Variants in NECAB1 observed in about 807,000 individuals in gnomAD.
The protein encoded by NECAB1 is N-terminal EF-hand calcium binding protein 1.
Under a neutral mutation model 57.5 loss-of-function variants are expected in NECAB1, and 29 were observed. The ratio of observed to expected loss-of-function variants is 0.50; its 90% CI spans 0.38 to 0.69. The LOEUF is 0.69. Ranked by LOEUF, NECAB1 falls within the 30% of genes least tolerant of loss-of-function variation. NECAB1 has a pLI of 0.00. For missense variants in NECAB1, 372 were observed against 413.8 expected, an observed-to-expected ratio of 0.90 and a Z score of 0.88; for synonymous variants, 142 against 147.7, an observed-to-expected ratio of 0.96 and a Z score of 0.28.
chr8:90,902,436 C>T (rs1471283262), intron 5 of NECAB1, among the ~76,000 whole-genome samples: 1 of 152,034 alleles, frequency 6.6e-6, no homozygotes, highest in Non-Finnish European at 1.5e-5. Context: ...AACGAACAAA[C>T]AATTATTACT....
In NECAB1 at chr8:90,870,642, G is replaced by A. The variant is rs565037163; in HGVS notation, c.234-1486G>A. On this transcript the variant is annotated intron_variant, in intron 3 of 12. Coordinates refer to ENST00000417640, the MANE Select transcript of NECAB1 (RefSeq NM_022351.5). ...ATTTTATCTTCTATGATATATTTCC[G>A]GACACCTTTTGCCAATTCTCTATTT... is the stretch of plus-strand genomic sequence containing the variant. Among the ~76,000 whole-genome samples the A allele has an allele frequency of 1.6e-4, 24 of 152,116 alleles. No homozygotes were observed. The South Asian group carries it at 1.9e-3, about 12-fold the overall frequency.
intron 4 of NECAB1, among the ~76,000 whole-genome samples, chr8:90,875,443 T>G (rs1162208894): frequency 2.5e-5 from 3 of 121,344 alleles, no homozygotes; most frequent in Non-Finnish European, 4.7e-5. Context: ...ATTGCGCCAC[T>G]GCAGTCCGCA....
intron 9 of NECAB1, among the ~76,000 whole-genome samples, chr8:90,938,418 T>C (rs189792756): frequency 4.6e-5 from 7 of 152,342 alleles, no homozygotes; most frequent in Non-Finnish European, 7.3e-5. Context: ...AGCTTCAGGC[T>C]GTGTATTTGA....
intron 2 of NECAB1, among the ~76,000 whole-genome samples, chr8:90,817,252 G>A (rs77154746): frequency 2.6e-5 from 4 of 151,630 alleles, no homozygotes; most frequent in South Asian, 2.1e-4. Flanking sequence ...TTATGTCATC[G>A]TGAAGAAATA....
chr8:90,897,616 C>G (rs528487027), intron 5 of NECAB1, among the ~76,000 whole-genome samples: 135 of 152,256 alleles, frequency 8.9e-4, no homozygotes, highest in African/African-American at 2.8e-3. Flanking sequence ...GTAATACTAT[C>G]TTATGTTTAA....
intron 3 of NECAB1, among the ~76,000 whole-genome samples, chr8:90,844,746 T>C (rs1263340665): frequency 1.3e-5 from 2 of 151,944 alleles, no homozygotes; most frequent in Admixed American, 6.6e-5. Flanking sequence ...CTTTATCCAG[T>C]TGGGAGATGA....
chr8:90,887,350 T>G (rs1809030764), intron 5 of NECAB1, among the ~76,000 whole-genome samples: 1 of 152,226 alleles, frequency 6.6e-6, no homozygotes, highest in Non-Finnish European at 1.5e-5. Context: ...AAACTATGAC[T>G]TACACTTTAG....
At position 90,917,840 on chromosome 8, in the gene NECAB1, CTATATA is replaced by C. The variant is rs34288387; in HGVS notation, c.494+238_494+243del. On this transcript the variant is annotated intron_variant, in intron 6 of 12. Coordinates refer to ENST00000417640, the MANE Select transcript of NECAB1 (RefSeq NM_022351.5). ...CTTTTACTGTCAGTCATTTAGTAAA[CTATATA>C]TATATATATATATATATATATATAT... Among the ~76,000 whole-genome samples the C allele has an allele frequency of 9.1e-4, 43 of 47,330 alleles. 3 individuals are homozygous for C. Among genetic ancestry groups the C allele is most frequent in the South Asian group, 1.4e-3 (2 of 1,380 alleles). The allele number at this position is 47,330 out of a possible 152,430, so 31.1% of individuals were successfully genotyped here.
chr8:90,925,272 AAC>A (rs138720084), intron 6 of NECAB1, among the ~76,000 whole-genome samples: 15,928 of 152,196 alleles, frequency 0.1, 956 homozygotes, highest in African/African-American at 0.17. Context: ...AAAGTTGACC[AAC>A]AAAGGAAAAA....
chr8:90,915,670 A>C (rs959322730), intron 5 of NECAB1, among the ~76,000 whole-genome samples: 4 of 152,182 alleles, frequency 2.6e-5, no homozygotes, highest in Non-Finnish European at 5.9e-5. Flanking sequence ...TCACACAGTA[A>C]AGTCCCACAT....
chr8:90,869,892 G>A (rs1808590502), intron 3 of NECAB1, among the ~76,000 whole-genome samples: 1 of 152,124 alleles, frequency 6.6e-6, no homozygotes, highest in Admixed American at 6.6e-5. Context: ...GAATGATATG[G>A]TTTGGCTTTC....
At chr8:90,875,703 T>C (rs1039425538) in intron 4 of NECAB1, among the ~76,000 whole-genome samples, 1 of 150,280 alleles carries the variant, frequency 6.7e-6, no homozygotes, top group Non-Finnish European at 1.5e-5. Context: ...AGTCTATAAA[T>C]AAGATGGATA....
At chr8:90,860,779 A>G (rs758897020) in intron 3 of NECAB1, among the ~76,000 whole-genome samples, 2 of 152,196 alleles carry the variant, frequency 1.3e-5, no homozygotes, top group Non-Finnish European at 2.9e-5. Flanking sequence ...GAACACATGC[A>G]GGGCATTGAA....
At chr8:90,923,887 GA>G (rs1440994938) in intron 6 of NECAB1, among the ~76,000 whole-genome samples, 1 of 152,184 alleles carries the variant, frequency 6.6e-6, no homozygotes, top group Non-Finnish European at 1.5e-5. Flanking sequence ...CTCAGTCCAA[GA>G]GGTCTACTGT....
At chr8:90,952,798 TTAAAA>T (rs1554578718) in intron 12 of NECAB1, among the ~76,000 whole-genome samples, 9 of 138,146 alleles carry the variant, frequency 6.5e-5, no homozygotes, top group South Asian at 2.2e-4. Context: ...AATAATAAAA[TTAAAA>T]TAAAATAAAA....
intron 3 of NECAB1, among the ~76,000 whole-genome samples, chr8:90,865,834 T>G (rs1262943688): frequency 6.6e-6 from 1 of 152,196 alleles, no homozygotes; most frequent in Non-Finnish European, 1.5e-5. Context: ...TCCCTTTGGT[T>G]GCATCTATTA....
intron 1 of NECAB1, among the ~76,000 whole-genome samples, chr8:90,794,426 CTG>C (rs1811626859): frequency 6.6e-6 from 1 of 152,118 alleles, no homozygotes; most frequent in African/African-American, 2.4e-5. Context: ...AGGTAATTTT[CTG>C]TGTGTCTTCT....
At chr8:90,807,626 A>T (rs1811873387) in intron 2 of NECAB1, among the ~76,000 whole-genome samples, 1 of 152,216 alleles carries the variant, frequency 6.6e-6, no homozygotes, top group Admixed American at 6.5e-5. Context: ...AAATGTAAAG[A>T]TTAAGGGCCG....
At chr8:90,933,542 T>G (rs1249418554) in intron 8 of NECAB1, among the ~76,000 whole-genome samples, 1 of 152,098 alleles carries the variant, frequency 6.6e-6, no homozygotes, top group Non-Finnish European at 1.5e-5. Flanking sequence ...TGCAAAGGCA[T>G]AAGAATGACA....
Sources: gnomAD v4.1 joint callset for allele counts (sites outside exome capture counted in the v4.1 genomes callset) on GRCh38, gnomAD v4.1.1 for gene constraint, MANE v1.5 for transcripts, NCBI Gene and HGNC (gene_info 2026-07-23, HGNC 2026-07-21) for gene names.